The following MTUS2 variants were observed in gnomAD, a reference collection of about 807,000 sequenced individuals.
MTUS2 encodes the protein microtubule associated scaffold protein 2.
In MTUS2, 40 loss-of-function variants were observed where a neutral mutation model predicts 114.1. That is an observed-to-expected ratio of 0.35 (90% CI 0.27 to 0.46). MTUS2 has a LOEUF of 0.46. Ranked by LOEUF, MTUS2 falls within the 20% of genes least tolerant of loss-of-function variation. The pLI, the probability that MTUS2 is intolerant of heterozygous loss-of-function variation, is 1.00. For missense variants in MTUS2, 1,679 were observed against 1,705.4 expected, an observed-to-expected ratio of 0.98 and a Z score of 0.27; for synonymous variants, 688 against 672.0, an observed-to-expected ratio of 1.02 and a Z score of -0.37.
chr13:29,444,391 A>G (rs1169389909), intron 9 of MTUS2, among the ~76,000 whole-genome samples: 1 of 152,230 alleles, frequency 6.6e-6, no homozygotes, highest in African/African-American at 2.4e-5. Context: ...AGATTGCGCC[A>G]TTGTACTCCA....
chr13:29,455,455 T>C (rs1171025721), intron 9 of MTUS2, among the ~76,000 whole-genome samples: 1 of 152,100 alleles, frequency 6.6e-6, no homozygotes, highest in Non-Finnish European at 1.5e-5. Context: ...ATGACCATTA[T>C]CTAGAACAAG....
chr13:29,054,395 CA>C (rs1435297071), intron 4 of MTUS2, among the ~76,000 whole-genome samples: 1 of 151,962 alleles, frequency 6.6e-6, no homozygotes, highest in East Asian at 1.9e-4. Context: ...CAGTGTCTTT[CA>C]AAGAGTAGAC....
chr13:29,076,494 G>T (rs936869229), intron 4 of MTUS2, among the ~76,000 whole-genome samples: 6 of 152,180 alleles, frequency 3.9e-5, no homozygotes, highest in Non-Finnish European at 8.8e-5. Context: ...GTCAGATTTG[G>T]TTAGTTCTAC....
At chr13:29,348,049 TC>T (rs1227437155) in intron 7 of MTUS2, among the ~76,000 whole-genome samples, 2 of 151,172 alleles carry the variant, frequency 1.3e-5, no homozygotes, top group Admixed American at 1.3e-4. Flanking sequence ...GCCCTCTGAA[TC>T]CTATACTTTA....
chr13:29,160,813 G>A (rs1893064007), intron 5 of MTUS2, among the ~76,000 whole-genome samples: 1 of 152,122 alleles, frequency 6.6e-6, no homozygotes, highest in Admixed American at 6.6e-5. Flanking sequence ...AACCACGTTG[G>A]GGTTGGCATC....
intron 5 of MTUS2, among the ~76,000 whole-genome samples, chr13:29,133,698 C>T (rs957803866): frequency 1.4e-4 from 21 of 152,314 alleles, no homozygotes; most frequent in African/African-American, 4.8e-4. Context: ...TATTCTACTT[C>T]ATGAGTCTGT....
chr13:28,965,740 T>C (rs4769650), intron 2 of MTUS2, among the ~76,000 whole-genome samples: 69,827 of 151,982 alleles, frequency 0.46, 16,644 homozygotes, highest in East Asian at 0.69. Flanking sequence ...AGGGCTGATA[T>C]TGCAGCTCAA....
intron 8 of MTUS2, among the ~76,000 whole-genome samples, chr13:29,425,920 C>T (rs1328681008): frequency 6.6e-6 from 1 of 152,196 alleles, no homozygotes; most frequent in Non-Finnish European, 1.5e-5. Context: ...GGCTCTCATA[C>T]ATCTCCTAAG....
chr13:29,188,197 A>C (rs1894302036), intron 5 of MTUS2, among the ~76,000 whole-genome samples: 1 of 152,204 alleles, frequency 6.6e-6, no homozygotes, highest in Non-Finnish European at 1.5e-5. Context: ...GGAGAAATGG[A>C]ATAAACACTA....
At chr13:29,027,648 T>C (rs1593396897) in intron 3 of MTUS2, among the ~76,000 whole-genome samples, 1 of 152,174 alleles carries the variant, frequency 6.6e-6, no homozygotes, top group East Asian at 1.9e-4. Flanking sequence ...ACTTTCTGGG[T>C]TCACGCCATC....
chr13:28,926,673 G>T (rs1881345534), intron 2 of MTUS2, among the ~76,000 whole-genome samples: 1 of 152,080 alleles, frequency 6.6e-6, no homozygotes, highest in Non-Finnish European at 1.5e-5. Flanking sequence ...CTTAATTTTG[G>T]TAGTTGATTG....
chr13:28,907,379 G>A (rs1203942979), intron 2 of MTUS2, among the ~76,000 whole-genome samples: 2 of 151,480 alleles, frequency 1.3e-5, no homozygotes, highest in Non-Finnish European at 2.9e-5. Context: ...ATCATAATGA[G>A]AGGCTCAAAT....
intron 5 of MTUS2, among the ~76,000 whole-genome samples, chr13:29,182,834 C>G (rs1894061606): frequency 1.3e-5 from 2 of 152,266 alleles, no homozygotes; most frequent in Admixed American, 1.3e-4. Flanking sequence ...TAACAGATAT[C>G]TGGGAACAAC....
intron 3 of MTUS2, among the ~76,000 whole-genome samples, chr13:29,028,889 G>A (rs1279328420): frequency 1.3e-5 from 2 of 152,140 alleles, no homozygotes; most frequent in Non-Finnish European, 2.9e-5. Context: ...CTAAACAAAA[G>A]TGTACCAAGG....
intron 2 of MTUS2, among the ~76,000 whole-genome samples, chr13:28,900,421 C>T (rs1461511223): frequency 6.6e-6 from 1 of 152,170 alleles, no homozygotes; most frequent in East Asian, 1.9e-4. Context: ...CCTTTTATAA[C>T]CACAGACACT....
At chr13:28,936,834 AG>A (rs1436120381) in intron 2 of MTUS2, among the ~76,000 whole-genome samples, 1 of 152,176 alleles carries the variant, frequency 6.6e-6, no homozygotes, top group African/African-American at 2.4e-5. Context: ...CTTGTGGTGG[AG>A]GAAAGTGTGC....
chr13:29,147,910 G>A (rs1892502554), intron 5 of MTUS2, among the ~76,000 whole-genome samples: 1 of 152,142 alleles, frequency 6.6e-6, no homozygotes, highest in Admixed American at 6.5e-5. Flanking sequence ...ATGCATACAT[G>A]TCTCTTTTTG....
In MTUS2 at chr13:29,281,451, A is replaced by G. The variant is rs539627184; in HGVS notation, c.2645-253A>G. 5.3e-4 allele frequency among the ~76,000 whole-genome samples: 74 copies of G among 139,938 alleles called. 1 individual carries two copies. Among genetic ancestry groups the G allele is most frequent in the African/African-American group, 1.8e-3 (67 of 36,690 alleles). 91.8% of individuals were successfully genotyped at this position (139,938 alleles called of 152,430 possible). A position where few individuals can be genotyped will look rare whatever the true frequency, so the allele number is the denominator to read the frequency against. ...TGTGTGTGTGTGTGTGTGTGTGTGC[A>G]TGCAGGCTGCTCCTGGCTTTTGTGG... On this transcript the variant is annotated intron_variant, in intron 5 of 15. Transcript: ENST00000612955.
chr13:29,230,130 C>T (rs1175879756), intron 5 of MTUS2, among the ~76,000 whole-genome samples: 1 of 152,090 alleles, frequency 6.6e-6, no homozygotes, highest in Non-Finnish European at 1.5e-5. Flanking sequence ...CCTGTAGTTC[C>T]AGCTACTCGG....
Sources: gnomAD v4.1 joint callset for allele counts (sites outside exome capture counted in the v4.1 genomes callset) on GRCh38, gnomAD v4.1.1 for gene constraint, MANE v1.5 for transcripts, NCBI Gene and HGNC (gene_info 2026-07-23, HGNC 2026-07-21) for gene names.